The following IL31RA variants were observed in gnomAD, a reference collection of about 807,000 sequenced individuals.
IL31RA encodes interleukin 31 receptor A, also known as interleukin-31 receptor subunit alpha.
A neutral mutation model predicts 83.7 loss-of-function variants in IL31RA; 66 were observed. The observed-to-expected ratio is 0.79, with a 90% CI of 0.65 to 0.97. The LOEUF (loss-of-function observed/expected upper bound fraction) is 0.97. Among genes scored for constraint, IL31RA ranks in the 50% least tolerant of loss-of-function variants. IL31RA has a pLI of 0.00. For synonymous variants in IL31RA, 325 were observed against 329.0 expected (o/e 0.99, Z 0.13); for missense variants, 798 against 919.4 (o/e 0.87, Z 1.71).
chr5:55,891,198 G>A (rs1747964557), intron 6 of IL31RA, among the ~76,000 whole-genome samples: 2 of 152,154 alleles, frequency 1.3e-5, no homozygotes, highest in Non-Finnish European at 2.9e-5. Flanking sequence ...TGAGGAAACT[G>A]AGTTTCAGAG....
At chr5:55,916,337 G>A (rs1488582401) in intron 14 of IL31RA, among the ~76,000 whole-genome samples, 6 of 151,510 alleles carry the variant, frequency 4.0e-5, no homozygotes, top group Admixed American at 3.3e-4. Flanking sequence ...TGGTGATCAT[G>A]CTACTGTACT....
intron 3 of IL31RA, among the ~76,000 whole-genome samples, chr5:55,870,590 A>G (rs1746451382): frequency 6.6e-6 from 1 of 151,932 alleles, no homozygotes; most frequent in Non-Finnish European, 1.5e-5. Flanking sequence ...TATTATTATC[A>G]CCAGTTGGAC....
At chr5:55,850,073 G>T (rs1008189813), upstream of IL31RA, among the ~76,000 whole-genome samples, 3 of 152,090 alleles carry the variant, frequency 2.0e-5, no homozygotes, top group Admixed American at 1.3e-4. Flanking sequence ...TTCTGGTTTT[G>T]TTATTAAGTC....
In IL31RA at chr5:55,920,641, C is replaced by A. The variant is rs892272408; in HGVS notation, c.*3521C>A. Among the ~76,000 whole-genome samples, 1 of 152,202 alleles carries A rather than the reference C, an allele frequency of 6.6e-6. No individual in the cohort carries two copies. The highest frequency in any genetic ancestry group is 2.4e-5 in the African/African-American group (1 of 41,440). ...GCAGAAAAAATTTGTGGACGCCTAC[C>A]ATAACCCACAGACATGAAACTCAGA... On this transcript the variant is annotated 3_prime_UTR_variant, in exon 15 of 15. Coordinates refer to ENST00000652347, the MANE Select transcript of IL31RA (RefSeq NM_139017.7).
At chr5:55,905,446 G>C (rs996546171) in intron 8 of IL31RA, among the ~76,000 whole-genome samples, 1 of 152,154 alleles carries the variant, frequency 6.6e-6, no homozygotes, top group Non-Finnish European at 1.5e-5. Context: ...TTAAGTTCCA[G>C]ATGTTGGATT....
intron 9 of IL31RA, among the ~76,000 whole-genome samples, chr5:55,907,075 ATC>A (rs1749202337): frequency 6.6e-6 from 1 of 152,204 alleles, no homozygotes; most frequent in African/African-American, 2.4e-5. Flanking sequence ...GATCCTATGG[ATC>A]TCTCTGCTGC....
At chr5:55,908,191 C>G in intron 10 of IL31RA, 74 bp from the exon 11 acceptor site, 3 of 1,605,162 alleles carry the variant, frequency 1.9e-6, no homozygotes, top group Non-Finnish European at 2.5e-6. Context: ...TGAGTACTGG[C>G]CAGGGCCTTT....
upstream of IL31RA, among the ~76,000 whole-genome samples, chr5:55,848,426 G>T (rs946968403): frequency 6.6e-6 from 1 of 152,012 alleles, no homozygotes; most frequent in African/African-American, 2.4e-5. Context: ...TTTCAGATTG[G>T]TTCCTGTGTC....
chr5:55,882,378 CAAA>C (rs1237700165), intron 4 of IL31RA, among the ~76,000 whole-genome samples: 1 of 152,046 alleles, frequency 6.6e-6, no homozygotes, highest in Non-Finnish European at 1.5e-5. Flanking sequence ...TTTTAAAAAA[CAAA>C]AGCTTTATTT....
At position 55,922,580 on chromosome 5, in the gene IL31RA, A is replaced by G. The variant is rs182826999; in HGVS notation, c.*5460A>G. 4 of 633,120 alleles carry G rather than the reference A, an allele frequency of 6.3e-6. No individual in the cohort carries two copies. The highest frequency in any genetic ancestry group is 5.5e-5 in the African/African-American group (3 of 54,512). 39.2% of individuals were successfully genotyped at this position (633,120 alleles called of 1,614,324 possible). Reference sequence around the variant, plus strand: ...ATGTGGTCTTTTCCACACATGGACCACCTACGGATGCAATCTGTAATGCAT... The same window carrying G: ...ATGTGGTCTTTTCCACACATGGACCGCCTACGGATGCAATCTGTAATGCAT... On this transcript the variant is annotated 3_prime_UTR_variant, in exon 15 of 15. Coordinates refer to ENST00000652347, the MANE Select transcript of IL31RA (RefSeq NM_139017.7).
intron 12 of IL31RA, among the ~76,000 whole-genome samples, chr5:55,913,018 T>A (rs1749586504): frequency 6.6e-6 from 1 of 152,198 alleles, no homozygotes; most frequent in Non-Finnish European, 1.5e-5. Context: ...ATTCACTGAA[T>A]GAATGCTGTT....
rs747060057 is a variant in IL31RA at position 55,851,507 on chromosome 5, G to C, written c.-64G>C. On this transcript the variant is annotated 5_prime_UTR_variant, in exon 1 of 15. The change abolishes an upstream ATG in the 5' untranslated region. Transcript: ENST00000652347. ...CACTAAATAGACCATGAAAAGACATGTGTGTGCAGTATGAAAATTGAGACA... is the reference window on the plus strand; with the variant it reads ...CACTAAATAGACCATGAAAAGACATCTGTGTGCAGTATGAAAATTGAGACA... 7 of 1,613,674 alleles carry C rather than the reference G, an allele frequency of 4.3e-6. No homozygotes were observed. Among genetic ancestry groups the C allele is most frequent in the Admixed American group, 1.7e-5 (1 of 59,980 alleles).
intron 2 of IL31RA, among the ~76,000 whole-genome samples, chr5:55,867,282 T>G (rs1348994181): frequency 3.4e-5 from 4 of 117,234 alleles, no homozygotes; most frequent in Non-Finnish European, 5.0e-5. Context: ...TGTGTGCATG[T>G]GTGTGTGCAT....
chr5:55,898,671 T>TAAAAAGA (rs11430848), intron 7 of IL31RA, among the ~76,000 whole-genome samples: 1 of 128,066 alleles, frequency 7.8e-6, no homozygotes, highest in Non-Finnish European at 1.7e-5. Context: ...ATTAATATGT[T>TAAAAAGA]TTTTAAAAAG....
upstream of IL31RA, among the ~76,000 whole-genome samples, chr5:55,850,151 T>A (rs190263298): frequency 9.3e-4 from 142 of 152,346 alleles, 1 homozygote; most frequent in African/African-American, 3.2e-3. Context: ...ACATTTTTTT[T>A]CTGTTTATTC....
chr5:55,868,605 G>A (rs1297629012), intron 2 of IL31RA, among the ~76,000 whole-genome samples, 186 bp from the exon 3 acceptor site: 1 of 152,104 alleles, frequency 6.6e-6, no homozygotes, highest in East Asian at 1.9e-4. Context: ...CTCTTGAAAG[G>A]GAATAATTAA....
rs7714146 is a variant in IL31RA, at chr5:55,921,930, C to T, written c.*4810C>T. Reference sequence around the variant, plus strand: ...TAAAATACTTGTTTTTGTAGGGCATCTGAAAAAGAAATTTCACACTGGTGT... The same window carrying T: ...TAAAATACTTGTTTTTGTAGGGCATTTGAAAAAGAAATTTCACACTGGTGT... On this transcript the variant is annotated 3_prime_UTR_variant, in exon 15 of 15. Transcript: ENST00000652347. Among the ~76,000 whole-genome samples the T allele has an allele frequency of 0.19, 29,533 of 151,612 alleles. 5,316 individuals are homozygous for T. The highest frequency in any genetic ancestry group is 0.48 in the African/African-American group (19,896 of 41,302).
Position 55,889,898 on chromosome 5 carries a change from A to G in IL31RA, c.607-72A>G, listed in dbSNP as rs931004776. On this transcript the variant is annotated intron_variant, in intron 5 of 14. Transcript: ENST00000652347. ...AGTTCTAAAAATGTAAAAGTACACT[A>G]GGTAGTGAAGAGGAAAATGGGAGGA... The G allele has an allele frequency of 5.8e-5, 76 of 1,311,746 alleles. 1 individual carries two copies. The highest frequency in any genetic ancestry group is 1.1e-5 in the Non-Finnish European group (10 of 905,324). The allele number at this position is 1,311,746 out of a possible 1,614,324, so 81.3% of individuals were successfully genotyped here.
chr5:55,910,514 T>C lies in IL31RA; in HGVS notation c.1502-18T>C. The stretch of plus-strand genomic sequence containing the variant: ...TCTGGTTTGGCTGTGGTGTTTGACC[T>C]TTGTATTTTTCCTTTAGCCAAGACA... On this transcript the variant is annotated intron_variant, in intron 11 of 14. Transcript: ENST00000652347. The C allele has an allele frequency of 6.2e-7, 1 of 1,613,980 alleles. No individual in the cohort carries two copies. The highest frequency in any genetic ancestry group is 8.5e-7 in the Non-Finnish European group (1 of 1,179,906).
Sources: allele counts gnomAD v4.1 joint callset (sites outside exome capture counted in the v4.1 genomes callset), GRCh38; gene constraint gnomAD v4.1.1; transcripts MANE v1.5; gene names NCBI Gene and HGNC (gene_info 2026-07-23, HGNC 2026-07-21).